The following FASN variants were observed in gnomAD, a reference collection of about 807,000 sequenced individuals.
The protein encoded by FASN is fatty acid synthase.
In FASN, 50 loss-of-function variants were observed where a neutral mutation model predicts 250.0. The observed-to-expected ratio is 0.20, with a 90% CI of 0.16 to 0.25. The LOEUF (loss-of-function observed/expected upper bound fraction) is 0.25. FASN is among the 10% of genes least tolerant of loss of function. The pLI, the probability that FASN is intolerant of heterozygous loss-of-function variation, is 1.00. For missense variants in FASN, 3,031 were observed against 3,498.5 expected, an observed-to-expected ratio of 0.87 and a Z score of 3.37; for synonymous variants, 1,909 against 1,584.0, an observed-to-expected ratio of 1.21 and a Z score of -4.87.
In FASN at chr17:82,078,961, G is replaced by A. The variant is rs1303455951; in HGVS notation, c.*182C>T. On this transcript the variant is annotated 3_prime_UTR_variant, in exon 43 of 43. Coordinates refer to ENST00000306749, the MANE Select transcript of FASN (RefSeq NM_004104.5). The surrounding 1 kb of genome is among the most constrained non-coding windows in gnomAD (Gnocchi z 5.4). ...GCAGCTCTGGTGTCCCCGAGGTGCC[G>A]TGGGAGGCGGCGGGTGGGTGGGACA... 9.6e-6 allele frequency: 7 copies of A among 731,828 alleles called. No homozygotes were observed. Among genetic ancestry groups the A allele is most frequent in the Admixed American group, 4.7e-5 (2 of 42,938 alleles). 45.3% of individuals were successfully genotyped at this position (731,828 alleles called of 1,614,324 possible).
chr17:82,093,449 G>A (rs926962355), intron 4 of FASN, 30 bp from the exon 5 acceptor site: 17 of 1,589,164 alleles, frequency 1.1e-5, no homozygotes, highest in Non-Finnish European at 1.4e-5. Context: ...GGCTCAGGTG[G>A]GGCTGTGAGC....
At chr17:82,087,604 T>C in intron 19 of FASN, 81 bp downstream of exon 19, 3 of 1,600,686 alleles carry the variant, frequency 1.9e-6, no homozygotes, top group Non-Finnish European at 2.5e-6. Context: ...GCTGCATGCC[T>C]AGCTGTGGGT....
At chr17:82,088,609 G>C in intron 15 of FASN, 47 bp from the exon 16 acceptor site, 2 of 1,584,308 alleles carry the variant, frequency 1.3e-6, no homozygotes, top group Non-Finnish European at 8.6e-7. Context: ...CCGGGGTCCA[G>C]GGGCTCTGGG....
intron 21 of FASN, among the ~76,000 whole-genome samples, 180 bp from the exon 22 acceptor site, chr17:82,086,738 T>C (rs1464576500): frequency 1.3e-5 from 2 of 152,180 alleles, no homozygotes; most frequent in African/African-American, 4.8e-5. Context: ...CTGCCCACTG[T>C]GGACGCAGTG....
In FASN at chr17:82,093,791, A is replaced by C. The variant is rs2034257500; in HGVS notation, c.281-20T>G. 6 of 1,611,608 alleles carry C rather than the reference A, an allele frequency of 3.7e-6. No homozygotes were observed. Among genetic ancestry groups the C allele is most frequent in the East Asian group, 2.2e-5 (1 of 44,866 alleles). ...TGATGCCTGCCACAAACAGTGGTCA[A>C]GGTGCCACGGCCGGGCCCCACAGCG... On this transcript the variant is annotated intron_variant, in intron 3 of 42. Transcript: ENST00000306749.
chr17:82,084,100 G>C lies in FASN; in HGVS notation c.4973C>G (p.Ala1658Gly). 6.4e-7 allele frequency: 1 copy of C among 1,569,846 alleles called. No individual in the cohort carries two copies. The highest frequency in any genetic ancestry group is 8.6e-7 in the Non-Finnish European group (1 of 1,158,974). The change falls in exon 29 of 43, where the codon GCG (alanine) becomes GGG (glycine). Residue 1658 changes from alanine to glycine, a missense_variant. Physicochemically the swap from Ala to Gly is moderately conservative, Grantham distance 60. Coordinates refer to ENST00000306749, the MANE Select transcript of FASN (RefSeq NM_004104.5). ...VPVVYSTAYY[A>G]LVVRGRVRPG... ...GCGCACCCGCCCACGCACCACCAGC[G>C]CGTAGTAGGCCGTGCTGTAGACGAC... is the stretch of plus-strand genomic sequence containing the variant.
intron 3 of FASN, 120 bp downstream of exon 3, chr17:82,095,200 A>G: frequency 7.9e-7 from 1 of 1,265,218 alleles, no homozygotes; most frequent in Admixed American, 1.7e-5. Flanking sequence ...CCAGGGGCAC[A>G]GCCGGGGAGG....
chr17:82,086,613 G>T, intron 21 of FASN, 55 bp from the exon 22 acceptor site: 2 of 1,382,764 alleles, frequency 1.4e-6, no homozygotes, highest in South Asian at 1.2e-5. Flanking sequence ...GCATCTGCCT[G>T]GCATGGGCTC....
intron 8 of FASN, among the ~76,000 whole-genome samples, chr17:82,092,006 T>C (rs1351725047): frequency 6.6e-6 from 1 of 152,080 alleles, no homozygotes; most frequent in African/African-American, 2.4e-5. Context: ...CTGCAGAAGT[T>C]GGGGGGCAGA....
chr17:82,079,051 G>T lies in FASN; in HGVS notation c.*92C>A. 7.2e-7 allele frequency: 1 copy of T among 1,389,784 alleles called. No individual in the cohort carries two copies. The highest frequency in any genetic ancestry group is 9.7e-7 in the Non-Finnish European group (1 of 1,025,878). The allele number at this position is 1,389,784 out of a possible 1,614,324, so 86.1% of individuals were successfully genotyped here. ...CACTGGGCCGGACAGGGTCCCACCG[G>T]CAGGACCCTTCAATCCCGTTGCATG... On this transcript the variant is annotated 3_prime_UTR_variant, in exon 43 of 43. Transcript: ENST00000306749.
At position 82,087,055 on chromosome 17, in the gene FASN, C is replaced by A; in HGVS notation, c.3422G>T (p.Cys1141Phe). The change falls in exon 21 of 43, where the codon TGC (cysteine) becomes TTC (phenylalanine). Residue 1141 changes from cysteine to phenylalanine, a missense_variant. Coordinates refer to ENST00000306749, the MANE Select transcript of FASN (RefSeq NM_004104.5). ...RAALQEELQL[C>F]KGLVQALQTK... ...CAGCAGGGCTGGGACCTCACCCTTG[C>A]ACAGTTGCAGCTCCTCCTGCAGGGC... 1 of 1,611,124 alleles carries A rather than the reference C, an allele frequency of 6.2e-7. No individual in the cohort carries two copies. The highest frequency in any genetic ancestry group is 1.1e-5 in the South Asian group (1 of 90,968).
chr17:82,092,551 G>A lies in FASN; in HGVS notation c.933C>T (p.Ala311=), dbSNP rs2034229447. The A allele has an allele frequency of 6.2e-7, 1 of 1,606,798 alleles. No homozygotes were observed. Among genetic ancestry groups the A allele is most frequent in the Non-Finnish European group, 8.5e-7 (1 of 1,179,234 alleles). The change falls in exon 8 of 43, where the codon GCC becomes GCT. Residue 311 remains alanine, a synonymous_variant. Transcript: ENST00000306749. ...DPQELNGITR[A]LCATRQEPLL... is the part of the protein sequence containing the mutation. ...GCGGCTCCTGGCGGGTGGCGCACAG[G>A]GCTCGGGTGATGCCATTCAGCTCCT... is the stretch of plus-strand genomic sequence containing the variant.
chr17:82,088,239 C>A lies in FASN; in HGVS notation c.2662G>T (p.Ala888Ser). 6.2e-7 allele frequency: 1 copy of A among 1,609,582 alleles called. No individual in the cohort carries two copies. The highest frequency in any genetic ancestry group is 1.3e-5 in the African/African-American group (1 of 75,052). Residue 888 changes from alanine to serine, a missense_variant, in exon 17 of 43, where the codon GCC becomes TCC. Physicochemically the swap from Ala to Ser is moderately conservative, Grantham distance 99. Coordinates refer to ENST00000306749, the MANE Select transcript of FASN (RefSeq NM_004104.5). ...CACACTATGCTCAGGTAGCCAGTGG[C>A]GGGGAAGAGGACGCGACCGTCGAGG... ...HTLDGRVLFP[A>S]TGYLSIVWKT...
Position 82,088,378 on chromosome 17 carries a change from G to A in FASN, c.2593+12C>T, listed in dbSNP as rs1359764302. On this transcript the variant is annotated intron_variant, in intron 16 of 42. Transcript: ENST00000306749. ...AGGGAAGAGTCTGCCCACCCGCCGG[G>A]CCCCTGCTCACCGATGTTGTAGATG... 3.1e-6 allele frequency: 5 copies of A among 1,612,008 alleles called. No homozygotes were observed. Among genetic ancestry groups the A allele is most frequent in the Non-Finnish European group, 4.2e-6 (5 of 1,179,756 alleles).
chr17:82,092,105 G>T lies in FASN; in HGVS notation c.1029+350C>A, dbSNP rs191075152. Among the ~76,000 whole-genome samples the T allele has an allele frequency of 1.8e-4, 27 of 152,266 alleles. No homozygotes were observed. The East Asian group carries it at 5.2e-3, about 29-fold the overall frequency. ...CTGCTAGTGGGTCAGGAAGCTGTAG[G>T]GACGGGTGGGCGACACGGGAGACCC... is the stretch of plus-strand genomic sequence containing the variant. On this transcript the variant is annotated intron_variant, in intron 8 of 42. Transcript: ENST00000306749.
chr17:82,086,436 CCGA>C lies in FASN; in HGVS notation c.3547_3549del (p.Ser1183del). 6.2e-7 allele frequency: 1 copy of C among 1,611,864 alleles called. No individual in the cohort carries two copies. The highest frequency in any genetic ancestry group is 1.3e-5 in the African/African-American group (1 of 75,060). On this transcript the variant is annotated inframe_deletion, in exon 22 of 43. Transcript: ENST00000306749. ...CCGTTGAGCTGAAGCCTGCAGGCAG[CCGA>C]CAACAGCCGGGGCAGTTCCTGCTGT...
At position 82,083,399 on chromosome 17, in the gene FASN, T is replaced by C. The variant is rs780280047; in HGVS notation, c.5368A>G (p.Thr1790Ala). Residue 1790 changes from threonine to alanine, a missense_variant, in exon 32 of 43, where the codon ACA becomes GCA. By Grantham distance (58) the Thr-to-Ala change is moderately conservative. Transcript: ENST00000306749. ...LGMAIFLKNVTFHGVLLDAFF... is the reference protein window; with the variant it reads ...LGMAIFLKNVAFHGVLLDAFF... The stretch of plus-strand genomic sequence containing the variant: ...GCATCCAGTAGGACCCCGTGGAATG[T>C]CACGTTCTTCAGGAAGATAGCCATG... 3.1e-6 allele frequency: 5 copies of C among 1,612,636 alleles called. No homozygotes were observed. The African/African-American group carries it at 6.7e-5, about 22-fold the overall frequency.
Position 82,093,737 on chromosome 17 carries a change from A to C in FASN, c.315T>G (p.Thr105=). The change falls in exon 4 of 43, where the codon ACT becomes ACG. Residue 105 remains threonine (T), a synonymous_variant. Coordinates refer to ENST00000306749, the MANE Select transcript of FASN (RefSeq NM_004104.5). ...INPDSLRGTH[T]GVWVGVSGSE... ...AGCCGCTCACGCCCACCCAGACGCC[A>C]GTGTGTGTTCCTCGGAGTGAATCTG... is the stretch of plus-strand genomic sequence containing the variant. The C allele has an allele frequency of 1.2e-6, 2 of 1,612,588 alleles. No homozygotes were observed. Among genetic ancestry groups the C allele is most frequent in the South Asian group, 1.1e-5 (1 of 91,066 alleles).
In FASN at chr17:82,080,566, C is replaced by T. The variant is rs2144779595; in HGVS notation, c.6851G>A (p.Ser2284Asn). 1 of 1,557,854 alleles carries T rather than the reference C, an allele frequency of 6.4e-7. No individual in the cohort carries two copies. The highest frequency in any genetic ancestry group is 8.7e-7 in the Non-Finnish European group (1 of 1,151,756). The change falls in exon 40 of 43, where the codon AGC (serine) becomes AAC (asparagine). Residue 2284 changes from serine to asparagine, a missense_variant. Coordinates refer to ENST00000306749, the MANE Select transcript of FASN (RefSeq NM_004104.5). The stretch of plus-strand genomic sequence containing the variant: ...GCAGTCGATGTAGTAGGCAGCCAGG[C>T]TGTGGATGCTGTCAAGGGGCGCAGC... ...TRAAPLDSIH[S>N]LAAYYIDCIR...
Sources: gnomAD v4.1 joint callset for allele counts (sites outside exome capture counted in the v4.1 genomes callset) on GRCh38, gnomAD v4.1.1 for gene constraint, Gnocchi (gnomAD v3.1) non-coding constraint, MANE v1.5 for transcripts, NCBI Gene and HGNC (gene_info 2026-07-23, HGNC 2026-07-21) for gene names.